Variants in PRKCSH observed in about 807,000 individuals in gnomAD.
The protein encoded by PRKCSH is glucosidase 2 subunit beta.
Under a neutral mutation model 79.7 loss-of-function variants are expected in PRKCSH, and 42 were observed. The ratio of observed to expected loss-of-function variants is 0.53; its 90% CI spans 0.41 to 0.68. The LOEUF (loss-of-function observed/expected upper bound fraction) is 0.68, where lower values mean the gene tolerates loss of function less well. Among genes scored for constraint, PRKCSH ranks in the 30% least tolerant of loss-of-function variants. The pLI, the probability that PRKCSH is intolerant of heterozygous loss-of-function variation, is 0.00. For missense variants in PRKCSH, 686 were observed against 709.0 expected (o/e 0.97, Z 0.37); for synonymous variants, 325 against 288.2 (o/e 1.13, Z -1.29).
At chr19:11,439,583 G>A (rs931293862) in intron 5 of PRKCSH, among the ~76,000 whole-genome samples, 5 of 141,160 alleles carry the variant, frequency 3.5e-5, no homozygotes, top group African/African-American at 7.9e-5. Flanking sequence ...AGTGAGACCC[G>A]TCTCAGAAAA....
At chr19:11,440,874 A>G (rs1970033933) in intron 5 of PRKCSH, among the ~76,000 whole-genome samples, 1 of 152,108 alleles carries the variant, frequency 6.6e-6, no homozygotes, top group African/African-American at 2.4e-5. Flanking sequence ...TATGTTGCCC[A>G]GGCTGGTTGC....
intron 7 of PRKCSH, among the ~76,000 whole-genome samples, chr19:11,442,896 G>A (rs541965735): frequency 6.6e-6 from 1 of 151,978 alleles, no homozygotes; most frequent in South Asian, 2.1e-4. Flanking sequence ...TAGAGACGGG[G>A]TTTCACAATG....
rs1374969781 is a variant in PRKCSH at position 11,448,076 on chromosome 19, T to G, written c.1127-146T>G. On this transcript the variant is annotated intron_variant, in intron 12 of 17. Coordinates refer to ENST00000677123, the MANE Select transcript of PRKCSH (RefSeq NM_001289104.2). The surrounding 1 kb of genome is among the most constrained non-coding windows in gnomAD (Gnocchi z 4.4). ...CAGCAAGTCGGGGCTGCTCTATAGC[T>G]GGTGAGGCCCTCAAGGCTGTCGGGG... 1.4e-5 allele frequency: 13 copies of G among 907,916 alleles called. No individual in the cohort carries two copies. The highest frequency in any genetic ancestry group is 4.2e-4 in the Middle Eastern group (2 of 4,724). 56.2% of individuals were successfully genotyped at this position (907,916 alleles called of 1,614,324 possible). A position where few individuals can be genotyped will look rare whatever the true frequency, so the allele number is the denominator to read the frequency against.
In PRKCSH at chr19:11,448,597, G is replaced by T; in HGVS notation, c.1254G>T (p.Leu418=). ...DFGPNGEFAY[L]YSQCYELTTN... ...GCCCCAACGGGGAGTTTGCTTACCT[G>T]TACAGCCAGTGCTACGAGCTCACCA... Residue 418 remains leucine, a synonymous_variant, in exon 14 of 18, where the codon CTG becomes CTT. Transcript: ENST00000677123. The surrounding 1 kb of genome is among the most constrained non-coding windows in gnomAD (Gnocchi z 4.4). The T allele has an allele frequency of 6.2e-7, 1 of 1,614,222 alleles. No individual in the cohort carries two copies. Among genetic ancestry groups the T allele is most frequent in the African/African-American group, 1.3e-5 (1 of 75,056 alleles).
In PRKCSH at chr19:11,440,122, T is replaced by C. The variant is rs369544502; in HGVS notation, c.351-1118T>C. Among the ~76,000 whole-genome samples the C allele has an allele frequency of 3.3e-5, 5 of 151,638 alleles. No individual in the cohort carries two copies. The South Asian group carries it at 1.0e-3, about 32-fold the overall frequency. The stretch of plus-strand genomic sequence containing the variant: ...CTCTCTGGATTCCACATCTTTTAAA[T>C]AGAAGGTGGATTGAACACAACCAAC... On this transcript the variant is annotated intron_variant, in intron 5 of 17. Transcript: ENST00000677123.
chr19:11,441,649 C>T (rs1244665667), intron 6 of PRKCSH, among the ~76,000 whole-genome samples: 3 of 152,146 alleles, frequency 2.0e-5, no homozygotes, highest in Admixed American at 6.6e-5. Context: ...CTTCTCTGTA[C>T]CCCGGATCTG....
chr19:11,439,996 G>A (rs1417170506), intron 5 of PRKCSH, among the ~76,000 whole-genome samples: 1 of 151,630 alleles, frequency 6.6e-6, no homozygotes, highest in East Asian at 2.0e-4. Context: ...GAGGCAGGAA[G>A]ATTGCTTGGG....
intron 5 of PRKCSH, 99 bp downstream of exon 5, chr19:11,438,223 C>A: frequency 7.5e-7 from 1 of 1,338,324 alleles, no homozygotes; most frequent in Non-Finnish European, 1.1e-6. Context: ...TTTTCTGTAT[C>A]GGGTTCTCTG....
Position 11,447,803 on chromosome 19 carries a change from G to A in PRKCSH, c.1126+14G>A, listed in dbSNP as rs748919185. 3.4e-5 allele frequency: 53 copies of A among 1,552,992 alleles called. No homozygotes were observed. In the Admixed American group the frequency reaches 1.0e-3, roughly 30 times the overall value. Reference sequence around the variant, plus strand: ...CCTTCATCGATGGTGAGGGTGGGCGGGGGCCAGGCTCCTCGGGTGGGCCCA... The same window carrying A: ...CCTTCATCGATGGTGAGGGTGGGCGAGGGCCAGGCTCCTCGGGTGGGCCCA... On this transcript the variant is annotated intron_variant, in intron 12 of 17. Transcript: ENST00000677123. This position sits in a 1 kb window ranked among gnomAD's most constrained non-coding sequence, Gnocchi z 5.6.
In PRKCSH at chr19:11,449,432, G is replaced by C. The variant is rs1288548246; in HGVS notation, c.*16+4G>C. 3 of 1,612,728 alleles carry C rather than the reference G, an allele frequency of 1.9e-6. No individual in the cohort carries two copies. The highest frequency in any genetic ancestry group is 2.5e-6 in the Non-Finnish European group (3 of 1,179,860). ...CTCTAGCTGGATGGGCGCAGAGGTG[G>C]GCGGGGAGGTGGAGTCTCGTCGGCC... On this transcript the variant is annotated splice_donor_region_variant and intron_variant, in intron 17 of 17. Transcript: ENST00000677123. The surrounding 1 kb of genome is among the most constrained non-coding windows in gnomAD (Gnocchi z 6.4).
Position 11,448,595 on chromosome 19 carries a change from C to T in PRKCSH, c.1252C>T (p.Leu418=), listed in dbSNP as rs1970436511. ...DFGPNGEFAY[L]YSQCYELTTN... ...TGGCCCCAACGGGGAGTTTGCTTAC[C>T]TGTACAGCCAGTGCTACGAGCTCAC... is the stretch of plus-strand genomic sequence containing the variant. Residue 418 remains leucine, a synonymous_variant, in exon 14 of 18, where the codon CTG becomes TTG. Transcript: ENST00000677123. The surrounding 1 kb of genome is among the most constrained non-coding windows in gnomAD (Gnocchi z 4.4). The T allele has an allele frequency of 7.4e-6, 12 of 1,614,104 alleles. No individual in the cohort carries two copies. The highest frequency in any genetic ancestry group is 2.7e-5 in the African/African-American group (2 of 74,940).
chr19:11,439,838 C>T (rs1380153373), intron 5 of PRKCSH, among the ~76,000 whole-genome samples: 1 of 151,378 alleles, frequency 6.6e-6, no homozygotes, highest in Admixed American at 6.6e-5. Context: ...CCAGGCTGGT[C>T]TCGAACTCCT....
Position 11,445,294 on chromosome 19 carries a change from A to G in PRKCSH, c.599-95A>G, listed in dbSNP as rs1221188313. 3 of 1,149,292 alleles carry G rather than the reference A, an allele frequency of 2.6e-6. No individual in the cohort carries two copies. In the East Asian group the frequency reaches 7.0e-5, roughly 27 times the overall value. The allele number at this position is 1,149,292 out of a possible 1,614,324, so 71.2% of individuals were successfully genotyped here. The stretch of plus-strand genomic sequence containing the variant: ...CAGGGTCCAGCATGGGGCCAGGCAT[A>G]TAGTAGGCGCTTGGTGGCAAACGAC... On this transcript the variant is annotated intron_variant, in intron 7 of 17. Coordinates refer to ENST00000677123, the MANE Select transcript of PRKCSH (RefSeq NM_001289104.2).
intron 9 of PRKCSH, among the ~76,000 whole-genome samples, 185 bp downstream of exon 9, chr19:11,446,535 G>A (rs1303264066): frequency 4.6e-5 from 7 of 151,930 alleles, no homozygotes; most frequent in African/African-American, 9.7e-5. Context: ...GCCAGGTCGC[G>A]CTGGAGCCCG....
chr19:11,448,510 G>A lies in PRKCSH; in HGVS notation c.1197-30G>A, dbSNP rs370844122. On this transcript the variant is annotated intron_variant, in intron 13 of 17. Transcript: ENST00000677123. This position sits in a 1 kb window ranked among gnomAD's most constrained non-coding sequence, Gnocchi z 4.4. ...GGGTCAGGCACTGGCGTCCCCAGCT[G>A]CCCCTTAACCGCTCCGCCTCCCCTT... 13 of 1,598,610 alleles carry A rather than the reference G, an allele frequency of 8.1e-6. No homozygotes were observed. The highest frequency in any genetic ancestry group is 9.4e-6 in the Non-Finnish European group (11 of 1,166,000).
In PRKCSH at chr19:11,436,512, C is replaced by A. The variant is rs376248611; in HGVS notation, c.196+7C>A. 6.9e-6 allele frequency: 11 copies of A among 1,598,650 alleles called. No individual in the cohort carries two copies. Among genetic ancestry groups the A allele is most frequent in the Non-Finnish European group, 9.4e-6 (11 of 1,167,170 alleles). On this transcript the variant is annotated splice_region_variant and intron_variant, in intron 3 of 17. Coordinates refer to ENST00000677123, the MANE Select transcript of PRKCSH (RefSeq NM_001289104.2). Reference sequence around the variant, plus strand: ...GATGGCTCTGACGAGCCAGGTGAGCCTTTTCTCTGTTCATCCATCAGATGT... The same window carrying A: ...GATGGCTCTGACGAGCCAGGTGAGCATTTTCTCTGTTCATCCATCAGATGT...
chr19:11,438,025 A>G (rs1969862870), intron 4 of PRKCSH, 42 bp from the exon 5 acceptor site: 1 of 1,613,766 alleles, frequency 6.2e-7, no homozygotes, highest in Admixed American at 1.7e-5. Flanking sequence ...GGGAGGGAGG[A>G]GGCACTGCCA....
rs11557488 is a variant in PRKCSH, at chr19:11,447,460, G to A, written c.871G>A (p.Ala291Thr). The A allele has an allele frequency of 0.2, 318,003 of 1,613,538 alleles. 34,463 individuals are homozygous for A. Among genetic ancestry groups the A allele is most frequent in the Non-Finnish European group, 0.22 (262,913 of 1,179,772 alleles). Reference protein sequence around the residue: ...RSEALPTDLPAPSAPDLTEPK... With the variant: ...RSEALPTDLPTPSAPDLTEPK... The stretch of plus-strand genomic sequence containing the variant: ...CCAGGCACTGCCCACCGACCTTCCA[G>A]CACCTTCTGCCCCTGACTTGACGGA... Residue 291 changes from alanine to threonine, a missense_variant, in exon 11 of 18, where the codon GCA (alanine) becomes ACA (threonine). Ala to Thr is a moderately conservative substitution (Grantham distance 58, BLOSUM62 0). This residue lies in a region of PRKCSH where 549 missense variants were observed against 520.2 expected (regional missense o/e 1.06). Coordinates refer to ENST00000677123, the MANE Select transcript of PRKCSH (RefSeq NM_001289104.2). This position sits in a 1 kb window ranked among gnomAD's most constrained non-coding sequence, Gnocchi z 5.6.
intron 6 of PRKCSH, 65 bp from the exon 7 acceptor site, chr19:11,442,321 G>A (rs1479368043): frequency 7.6e-5 from 117 of 1,535,902 alleles, no homozygotes; most frequent in Non-Finnish European, 9.7e-5. Flanking sequence ...GAGGCAGGGA[G>A]GTAGTAGTCA....
Sources: allele counts gnomAD v4.1 joint callset (sites outside exome capture counted in the v4.1 genomes callset), GRCh38; gene constraint gnomAD v4.1.1; regional missense constraint gnomAD v4.1.1; non-coding constraint Gnocchi (gnomAD v3.1); transcripts MANE v1.5; gene names NCBI Gene and HGNC (gene_info 2026-07-23, HGNC 2026-07-21).